KIF26B: variants seen among roughly 807,000 people sequenced by gnomAD.
KIF26B encodes kinesin-like protein KIF26B.
A neutral mutation model predicts 151.2 loss-of-function variants in KIF26B; 63 were observed. That is an observed-to-expected ratio of 0.42 (90% CI 0.34 to 0.51). The LOEUF (loss-of-function observed/expected upper bound fraction) is 0.51. KIF26B is among the 20% of genes least tolerant of loss of function. The pLI, the probability that KIF26B is intolerant of heterozygous loss-of-function variation, is 0.07. For missense variants in KIF26B, 2,813 were observed against 2,913.6 expected, an observed-to-expected ratio of 0.97 and a Z score of 0.79; for synonymous variants, 1,357 against 1,262.1, an observed-to-expected ratio of 1.08 and a Z score of -1.59.
intron 2 of KIF26B, among the ~76,000 whole-genome samples, chr1:245,348,468 A>G (rs1672502673): frequency 6.6e-6 from 1 of 152,146 alleles, no homozygotes; most frequent in Non-Finnish European, 1.5e-5. Context: ...GAAGTCCAAG[A>G]CCAAGGCACC....
At chr1:245,443,055 CATCTCCCTCACTGTTCACCTAG>C (rs1659152785) in intron 4 of KIF26B, among the ~76,000 whole-genome samples, 1 of 116,844 alleles carries the variant, frequency 8.6e-6, no homozygotes, top group Admixed American at 8.4e-5. Context: ...CTAGAGTGGT[CATCTCCCTCACTGTTCACCTAG>C]AGCGGTCATC....
intron 2 of KIF26B, among the ~76,000 whole-genome samples, chr1:245,262,759 A>G (rs1022387088): frequency 6.6e-6 from 1 of 152,164 alleles, no homozygotes; most frequent in South Asian, 2.1e-4. Context: ...CTGGCCAGGA[A>G]TGAGTTCTTA....
chr1:245,159,663 T>C (rs760973472), intron 2 of KIF26B, among the ~76,000 whole-genome samples: 6 of 152,226 alleles, frequency 3.9e-5, no homozygotes, highest in Non-Finnish European at 7.3e-5. Context: ...CTAAACATGC[T>C]GCCATATGAG....
chr1:245,261,705 C>T (rs1371384698), intron 2 of KIF26B, among the ~76,000 whole-genome samples: 1 of 152,012 alleles, frequency 6.6e-6, no homozygotes, highest in African/African-American at 2.4e-5. Context: ...CCACCTCAGC[C>T]TCTCTATAGC....
intron 3 of KIF26B, among the ~76,000 whole-genome samples, chr1:245,412,889 A>G (rs4658770): frequency 0.66 from 99,813 of 152,114 alleles, 33,389 homozygotes; most frequent in African/African-American, 0.72. Context: ...GTACACGCAC[A>G]TGCACACGTG....
At chr1:245,346,194 C>T (rs1055978516) in intron 2 of KIF26B, among the ~76,000 whole-genome samples, 1 of 152,110 alleles carries the variant, frequency 6.6e-6, no homozygotes, top group African/African-American at 2.4e-5. Context: ...CCACCTGCCT[C>T]GGCCTCCCAA....
chr1:245,292,528 T>TC (rs1453180204), intron 2 of KIF26B, among the ~76,000 whole-genome samples: 1 of 152,080 alleles, frequency 6.6e-6, no homozygotes, highest in East Asian at 1.9e-4. Flanking sequence ...TGCCTCTACT[T>TC]CCCCCTTGCC....
intron 3 of KIF26B, among the ~76,000 whole-genome samples, chr1:245,395,092 A>G (rs931905628): frequency 6.8e-6 from 1 of 146,050 alleles, no homozygotes; most frequent in African/African-American, 2.6e-5. Context: ...TCATTCGCCT[A>G]TGTCTGCAAT....
chr1:245,441,622 G>A (rs554848507), intron 4 of KIF26B, among the ~76,000 whole-genome samples: 1 of 152,136 alleles, frequency 6.6e-6, no homozygotes, highest in Non-Finnish European at 1.5e-5. Flanking sequence ...CCGGGAAGAG[G>A]AACAAGAATA....
At chr1:245,217,285 GA>G (rs1385108960) in intron 2 of KIF26B, among the ~76,000 whole-genome samples, 1 of 151,196 alleles carries the variant, frequency 6.6e-6, no homozygotes, top group Non-Finnish European at 1.5e-5. Flanking sequence ...CTTTTAGTTG[GA>G]AAAAAAATTT....
intron 2 of KIF26B, among the ~76,000 whole-genome samples, chr1:245,304,521 C>G (rs1157760785): frequency 1.3e-5 from 2 of 152,184 alleles, no homozygotes; most frequent in African/African-American, 4.8e-5. Flanking sequence ...GAGGAAGTAT[C>G]CCTTCTCTTT....
chr1:245,336,608 C>G (rs1333929260), intron 2 of KIF26B, among the ~76,000 whole-genome samples: 1 of 152,160 alleles, frequency 6.6e-6, no homozygotes, highest in Non-Finnish European at 1.5e-5. Flanking sequence ...CGTGCGGAGC[C>G]CTGTGAGCAC....
chr1:245,486,660 AT>A (rs1320266992), intron 4 of KIF26B, among the ~76,000 whole-genome samples: 10 of 152,130 alleles, frequency 6.6e-5, no homozygotes, highest in African/African-American at 2.4e-4. Context: ...TTTATTTTAC[AT>A]TTTTTATTTT....
chr1:245,532,373 G>A (rs1175734560), intron 4 of KIF26B, among the ~76,000 whole-genome samples: 1 of 151,376 alleles, frequency 6.6e-6, no homozygotes, highest in South Asian at 2.1e-4. Flanking sequence ...AGCCTCCCGA[G>A]TAGCTGGGAC....
intron 4 of KIF26B, among the ~76,000 whole-genome samples, chr1:245,478,952 C>G (rs554960051): frequency 7.9e-5 from 12 of 151,688 alleles, no homozygotes; most frequent in African/African-American, 2.2e-4. Context: ...AGAATCAGCC[C>G]GAGGATTTTG....
chr1:245,621,799 T>A (rs1435243233), intron 9 of KIF26B, among the ~76,000 whole-genome samples: 1 of 152,250 alleles, frequency 6.6e-6, no homozygotes, highest in African/African-American at 2.4e-5. Flanking sequence ...ATGTGTGAAA[T>A]TCACAATTCT....
At chr1:245,590,136 G>C (rs1235733109) in intron 5 of KIF26B, among the ~76,000 whole-genome samples, 1 of 149,118 alleles carries the variant, frequency 6.7e-6, no homozygotes, top group East Asian at 2.0e-4. Context: ...GTCGGGGGGT[G>C]GGGGTGCCCA....
chr1:245,545,106 T>A (rs78527453), intron 5 of KIF26B, among the ~76,000 whole-genome samples: 10,145 of 151,526 alleles, frequency 0.067, 452 homozygotes, highest in Non-Finnish European at 0.096. Context: ...ACAGCAATTT[T>A]TTTTTTTTTT....
At chr1:245,248,907 G>T (rs918121645) in intron 2 of KIF26B, among the ~76,000 whole-genome samples, 2 of 152,212 alleles carry the variant, frequency 1.3e-5, no homozygotes, top group African/African-American at 4.8e-5. Context: ...CTGTTGTCTT[G>T]TGTATTGAAG....
Sources: allele counts gnomAD v4.1 joint callset (sites outside exome capture counted in the v4.1 genomes callset), GRCh38; gene constraint gnomAD v4.1.1; transcripts MANE v1.5; gene names NCBI Gene and HGNC (gene_info 2026-07-23, HGNC 2026-07-21).